Variants in PLSCR5 observed in about 807,000 individuals in gnomAD.
PLSCR5 encodes the protein phospholipid scramblase family member 5, also known as phospholipid scramblase family, member 5.
A neutral mutation model predicts 33.6 loss-of-function variants in PLSCR5; 44 were observed. That is an observed-to-expected ratio of 1.31 (90% confidence interval 1.03 to 1.69). The LOEUF is 1.69. PLSCR5 is among the 40% of genes most tolerant of loss of function. The pLI is 0.00. For synonymous variants in PLSCR5, 148 were observed against 112.3 expected, an observed-to-expected ratio of 1.32 and a Z score of -2.01; for missense variants, 375 against 318.7, an observed-to-expected ratio of 1.18 and a Z score of -1.34.
chr3:146,588,189 G>A (rs764029537), intron 6 of PLSCR5, among the ~76,000 whole-genome samples: 2 of 151,856 alleles, frequency 1.3e-5, no homozygotes, highest in Admixed American at 1.3e-4. Context: ...TGCCAATGTC[G>A]GCTGGGCAAG....
At chr3:146,595,216 T>C (rs2044749514) in intron 2 of PLSCR5, 133 bp from the exon 3 acceptor site, 1 of 430,074 alleles carries the variant, frequency 2.3e-6, no homozygotes, top group South Asian at 1.1e-4. Flanking sequence ...GGAAAACAGT[T>C]GAAAATATCT....
At chr3:146,589,605 C>T (rs1016416308) in intron 6 of PLSCR5, 48 bp downstream of exon 6, 1 of 1,425,986 alleles carries the variant, frequency 7.0e-7, no homozygotes. Flanking sequence ...AATTAACAAG[C>T]AAGAGGGAGA....
At chr3:146,602,750 G>T (rs569932188) in intron 1 of PLSCR5, among the ~76,000 whole-genome samples, 2 of 152,202 alleles carry the variant, frequency 1.3e-5, no homozygotes, top group African/African-American at 2.4e-5. Flanking sequence ...AATTATGTTT[G>T]CTGTAACAAA....
At chr3:146,577,760 G>A (rs1478623005) in intron 7 of PLSCR5, among the ~76,000 whole-genome samples, 1 of 152,060 alleles carries the variant, frequency 6.6e-6, no homozygotes, top group African/African-American at 2.4e-5. Context: ...CAAAATTGAT[G>A]TGTTTTATTT....
At chr3:146,604,498 T>C (rs1300974103) in intron 1 of PLSCR5, among the ~76,000 whole-genome samples, 1 of 152,134 alleles carries the variant, frequency 6.6e-6, no homozygotes, top group Non-Finnish European at 1.5e-5. Context: ...TTTCAAGATA[T>C]TTTTGCTTTA....
rs371944540 is a variant in PLSCR5 at position 146,600,461 on chromosome 3, C to T, written c.16G>A (p.Ala6Thr). The change falls in exon 2 of 8, where the codon GCC (alanine) becomes ACC (threonine). Residue 6 changes from alanine (A) to threonine (T), a missense_variant and splice_region_variant. Physicochemically the swap from Ala to Thr is moderately conservative, Grantham distance 58 (BLOSUM62 0). Coordinates refer to ENST00000443512, the MANE Select transcript of PLSCR5 (RefSeq NM_001085420.2). Reference protein sequence around the residue: MASKDAQNQRRGLPGF... With the variant: MASKDTQNQRRGLPGF... ...GGCAGACCTCTTCTTTGGTTCTGGG[C>T]ATCTGCAAGAGAATGGAAATCCCAA... The T allele has an allele frequency of 3.8e-6, 6 of 1,577,242 alleles. No homozygotes were observed. Among genetic ancestry groups the T allele is most frequent in the Non-Finnish European group, 5.2e-6 (6 of 1,158,714 alleles).
At chr3:146,581,197 C>T (rs1028652830), downstream of PLSCR5, among the ~76,000 whole-genome samples, 1 of 152,174 alleles carries the variant, frequency 6.6e-6, no homozygotes, top group African/African-American at 2.4e-5. Context: ...CACACTTTCC[C>T]AAAACCTTAT....
intron 4 of PLSCR5, among the ~76,000 whole-genome samples, chr3:146,593,667 T>C (rs1302574269): frequency 6.6e-6 from 1 of 152,178 alleles, no homozygotes; most frequent in Non-Finnish European, 1.5e-5. Flanking sequence ...TCCAGAGGTC[T>C]ATCTCATTTA....
intron 5 of PLSCR5, among the ~76,000 whole-genome samples, chr3:146,590,481 C>G (rs2044704575): frequency 6.6e-6 from 1 of 151,978 alleles, no homozygotes; most frequent in African/African-American, 2.4e-5. Context: ...TCAATCAGTC[C>G]TTCTCAGCTA....
downstream of PLSCR5, among the ~76,000 whole-genome samples, chr3:146,581,782 A>G (rs1402381961): frequency 2.0e-5 from 3 of 152,220 alleles, no homozygotes; most frequent in Non-Finnish European, 4.4e-5. Context: ...ATCATGTTGT[A>G]CATGATAAAT....
chr3:146,591,338 A>G (rs2044712337), intron 5 of PLSCR5, among the ~76,000 whole-genome samples: 1 of 152,196 alleles, frequency 6.6e-6, no homozygotes, highest in Middle Eastern at 3.4e-3. Context: ...TAAAATAGCA[A>G]CACATTTACT....
intron 4 of PLSCR5, among the ~76,000 whole-genome samples, chr3:146,593,457 A>C (rs1458278093): frequency 5.9e-5 from 9 of 152,186 alleles, no homozygotes; most frequent in Non-Finnish European, 1.3e-4. Flanking sequence ...TGTCTTGCCA[A>C]ACCTTGGGCT....
At chr3:146,591,648 A>T in intron 5 of PLSCR5, 72 bp downstream of exon 5, 3 of 1,419,800 alleles carry the variant, frequency 2.1e-6, no homozygotes, top group South Asian at 1.3e-5. Context: ...ATTTGAACAT[A>T]AAAAAATTGA....
chr3:146,600,749 TATATAATTACTTGC>T (rs1277766492), intron 1 of PLSCR5, among the ~76,000 whole-genome samples: 1 of 150,464 alleles, frequency 6.6e-6, no homozygotes, highest in Non-Finnish European at 1.5e-5. Context: ...TATCTGTATA[TATATAATTACTTGC>T]ATATATATAC....
At chr3:146,604,374 A>T (rs549314096) in intron 1 of PLSCR5, among the ~76,000 whole-genome samples, 1 of 152,194 alleles carries the variant, frequency 6.6e-6, no homozygotes, top group South Asian at 2.1e-4. Flanking sequence ...TTGCAGTTTT[A>T]GGAATTTGAG....
At chr3:146,596,223 T>A (rs1216767988) in intron 2 of PLSCR5, among the ~76,000 whole-genome samples, 3 of 152,150 alleles carry the variant, frequency 2.0e-5, no homozygotes, top group Admixed American at 1.3e-4. Context: ...GAGTTCAGCT[T>A]TGTGGCCCAG....
chr3:146,583,838 T>C (rs1228257796), downstream of PLSCR5, among the ~76,000 whole-genome samples: 1 of 152,242 alleles, frequency 6.6e-6, no homozygotes, highest in Non-Finnish European at 1.5e-5. Context: ...CAGTTTATCA[T>C]GGTAAAATGC....
At chr3:146,595,898 C>T (rs529369565) in intron 2 of PLSCR5, among the ~76,000 whole-genome samples, 34 of 152,272 alleles carry the variant, frequency 2.2e-4, no homozygotes, top group African/African-American at 7.7e-4. Flanking sequence ...ATTTGTTAAA[C>T]CTGAAAGGTT....
At chr3:146,589,251 C>A (rs1560106516) in intron 6 of PLSCR5, among the ~76,000 whole-genome samples, 1 of 152,128 alleles carries the variant, frequency 6.6e-6, no homozygotes, top group Admixed American at 6.5e-5. Flanking sequence ...TTCTTAATAT[C>A]ATCTAGCTCA....
Sources: gnomAD v4.1 joint callset for allele counts (sites outside exome capture counted in the v4.1 genomes callset) on GRCh38, gnomAD v4.1.1 for gene constraint, MANE v1.5 for transcripts, NCBI Gene and HGNC (gene_info 2026-07-23, HGNC 2026-07-21) for gene names.